PHACTR2: variants seen among roughly 807,000 people sequenced by gnomAD.
PHACTR2 encodes the protein chromosome 6 open reading frame 56.
Under a neutral mutation model 76.0 loss-of-function variants are expected in PHACTR2, and 30 were observed. The ratio of observed to expected loss-of-function variants is 0.39; its 90% CI spans 0.30 to 0.54. The LOEUF is 0.54. PHACTR2 is among the 20% of genes least tolerant of loss of function. PHACTR2 has a pLI of 0.61. For missense variants in PHACTR2, 696 were observed against 781.1 expected (o/e 0.89, Z 1.30); for synonymous variants, 292 against 292.5 (o/e 1.00, Z 0.02).
intron 1 of PHACTR2, among the ~76,000 whole-genome samples, chr6:143,666,269 G>T (rs1235797412): frequency 2.0e-5 from 3 of 152,118 alleles, no homozygotes; most frequent in African/African-American, 7.2e-5. Context: ...TCTTTATCCA[G>T]TCTATCATTG....
chr6:143,745,977 C>G (rs1779056642), intron 2 of PHACTR2, among the ~76,000 whole-genome samples: 1 of 152,194 alleles, frequency 6.6e-6, no homozygotes. Flanking sequence ...TTAGCTGAGA[C>G]TAAGTTAGAA....
Position 143,647,689 on chromosome 6 carries a change from T to G in PHACTR2, c.13+39367T>G. The stretch of plus-strand genomic sequence containing the variant: ...AGCTGAAAGGAAACCTTGGTTGAAG[T>G]GAGGGAGGAGGAAACCTTGCAGATA... On this transcript the variant is annotated intron_variant, in intron 1 of 11. Coordinates refer to the PHACTR2 transcript ENST00000305766. This position sits in a 1 kb window ranked among gnomAD's most constrained non-coding sequence, Gnocchi z 4.2. Among the ~76,000 whole-genome samples the G allele has an allele frequency of 6.6e-6, 1 of 151,936 alleles. No individual in the cohort carries two copies. The highest frequency in any genetic ancestry group is 2.1e-4 in the South Asian group (1 of 4,804).
At chr6:143,719,698 A>T (rs1392355704) in intron 2 of PHACTR2, among the ~76,000 whole-genome samples, 1 of 151,092 alleles carries the variant, frequency 6.6e-6, no homozygotes, top group Non-Finnish European at 1.5e-5. Flanking sequence ...TTGGAGGAAG[A>T]GGAAGGAATC....
In PHACTR2 at chr6:143,700,418, G is replaced by C. The variant is rs915156054; in HGVS notation, c.47-11598G>C. 2.0e-5 allele frequency among the ~76,000 whole-genome samples: 3 copies of C among 152,124 alleles called. No individual in the cohort carries two copies. Among genetic ancestry groups the C allele is most frequent in the Non-Finnish European group, 4.4e-5 (3 of 68,020 alleles). ...AAAAATACAGAAATTAGCAAGGCAT[G>C]GTGGCATGCACCTGTAATCCCAGCT... On this transcript the variant is annotated intron_variant, in intron 1 of 12. Coordinates refer to ENST00000440869, the MANE Select transcript of PHACTR2 (RefSeq NM_001100164.2). This position sits in a 1 kb window ranked among gnomAD's most constrained non-coding sequence, Gnocchi z 4.1.
Position 143,760,406 on chromosome 6 carries a change from A to G in PHACTR2, c.460A>G (p.Thr154Ala), listed in dbSNP as rs1023120528. 3 of 1,609,308 alleles carry G rather than the reference A, an allele frequency of 1.9e-6. No homozygotes were observed. The highest frequency in any genetic ancestry group is 2.5e-6 in the Non-Finnish European group (3 of 1,177,636). The change falls in exon 5 of 13, where the codon ACT (threonine) becomes GCT (alanine). Residue 154 changes from threonine to alanine, a missense_variant. Coordinates refer to ENST00000440869, the MANE Select transcript of PHACTR2 (RefSeq NM_001100164.2). The surrounding 1 kb of genome is among the most constrained non-coding windows in gnomAD (Gnocchi z 6.4). The stretch of plus-strand genomic sequence containing the variant: ...GTTCACTTTCTCGTTTATAGAGAAC[A>G]CTGAAAACCACTCTGAAACACCGGC... Reference protein sequence around the residue: ...EEQAEDKKENTENHSETPAAP... With the variant: ...EEQAEDKKENAENHSETPAAP...
rs1269585011 is a variant in PHACTR2, at chr6:143,553,202, A to G, written c.217+15995A>G. ...CAAAAATCCAGCTCATAGAGACTGC[A>G]GTATAGTGAGGGTGTCAAAGATAAA... On this transcript the variant is annotated intron_variant, in intron 1 of 11. Coordinates refer to the PHACTR2 transcript ENST00000367584. This position sits in a 1 kb window ranked among gnomAD's most constrained non-coding sequence, Gnocchi z 4.2. 2.0e-5 allele frequency among the ~76,000 whole-genome samples: 3 copies of G among 152,250 alleles called. No individual in the cohort carries two copies. The highest frequency in any genetic ancestry group is 2.9e-5 in the Non-Finnish European group (2 of 68,048).
At chr6:143,642,900 A>C (rs532217886) in intron 1 of PHACTR2, among the ~76,000 whole-genome samples, 2 of 152,240 alleles carry the variant, frequency 1.3e-5, no homozygotes, top group African/African-American at 4.8e-5. Context: ...ATGTTCTTTA[A>C]GCCACCCAGT....
At chr6:143,759,023 C>T (rs1265674053) in intron 4 of PHACTR2, among the ~76,000 whole-genome samples, 1 of 152,142 alleles carries the variant, frequency 6.6e-6, no homozygotes, top group East Asian at 1.9e-4. Context: ...AACACTGTCT[C>T]AAGGTTTTTA....
At chr6:143,799,751 C>G (rs1205619472) in intron 11 of PHACTR2, among the ~76,000 whole-genome samples, 1 of 151,978 alleles carries the variant, frequency 6.6e-6, no homozygotes, top group African/African-American at 2.4e-5. Flanking sequence ...GTCTGAGAGA[C>G]AGTTTGATTT....
At chr6:143,745,461 C>T (rs1779038136) in intron 2 of PHACTR2, among the ~76,000 whole-genome samples, 1 of 152,166 alleles carries the variant, frequency 6.6e-6, no homozygotes, top group South Asian at 2.1e-4. Flanking sequence ...AGCAGGTGAG[C>T]ACATCTCAGG....
At chr6:143,712,271 C>T in intron 2 of PHACTR2, 88 bp downstream of exon 2, 3 of 874,108 alleles carry the variant, frequency 3.4e-6, no homozygotes, top group Non-Finnish European at 4.8e-6. Flanking sequence ...GTGTTTTTTC[C>T]CAGAAAAAAA....
intron 1 of PHACTR2, among the ~76,000 whole-genome samples, chr6:143,551,344 T>C (rs1754563934): frequency 1.3e-5 from 2 of 152,172 alleles, no homozygotes; most frequent in South Asian, 4.1e-4. Context: ...AACTAATAAT[T>C]ATAATGTAAG....
In PHACTR2 at chr6:143,537,141, T is replaced by C; in HGVS notation, c.151T>C (p.Ser51Pro). Reference sequence around the variant, plus strand: ...CGGGGACCCGAGCCCCCGCGGCCGCTCACAGAGCGACCTCTCGTCGTCCTC... The same window carrying C: ...CGGGGACCCGAGCCCCCGCGGCCGCCCACAGAGCGACCTCTCGTCGTCCTC... The change falls in exon 1 of 12, where the codon TCA becomes CCA. Residue 51 changes from serine to proline, a missense_variant. Ser to Pro is a moderately conservative substitution (Grantham distance 74). Coordinates refer to the PHACTR2 transcript ENST00000367584. This position sits in a 1 kb window ranked among gnomAD's most constrained non-coding sequence, Gnocchi z 4.4. 6.0e-6 allele frequency: 2 copies of C among 331,060 alleles called. No homozygotes were observed. The highest frequency in any genetic ancestry group is 3.6e-5 in the Admixed American group (1 of 27,926). The allele number at this position is 331,060 out of a possible 1,614,324, so 20.5% of individuals were successfully genotyped here.
upstream of PHACTR2, among the ~76,000 whole-genome samples, chr6:143,604,277 C>T (rs1254217149): frequency 6.6e-6 from 1 of 152,048 alleles, no homozygotes; most frequent in African/African-American, 2.4e-5. Flanking sequence ...ATCTACTGGA[C>T]CAAGCAATCT....
At chr6:143,676,339 T>C (rs2128451854), upstream of PHACTR2, among the ~76,000 whole-genome samples, 1 of 152,356 alleles carries the variant, frequency 6.6e-6, no homozygotes, top group South Asian at 2.1e-4. The surrounding 1 kb of genome is among the most constrained non-coding windows in gnomAD (Gnocchi z 4.8). Flanking sequence ...AATAGAAATA[T>C]GCTATTGTTT....
intron 1 of PHACTR2, among the ~76,000 whole-genome samples, chr6:143,538,709 C>T (rs1237417247): frequency 6.6e-6 from 1 of 152,224 alleles, no homozygotes; most frequent in Non-Finnish European, 1.5e-5. Flanking sequence ...GGCTAACTCT[C>T]TCACCATAGC....
rs1216245632 is a variant in PHACTR2 at position 143,823,344 on chromosome 6, G to A, written c.1923-330G>A. On this transcript the variant is annotated intron_variant, in intron 12 of 12. Transcript: ENST00000440869. This position sits in a 1 kb window ranked among gnomAD's most constrained non-coding sequence, Gnocchi z 5.7. ...ATCCCTTTGTGAAACATCTCCCTCT[G>A]CTTGATAAAGGTTAGAGCACGATGC... is the stretch of plus-strand genomic sequence containing the variant. Among the ~76,000 whole-genome samples, 1 of 152,146 alleles carries A rather than the reference G, an allele frequency of 6.6e-6. No individual in the cohort carries two copies. The highest frequency in any genetic ancestry group is 1.5e-5 in the Non-Finnish European group (1 of 68,026).
chr6:143,567,343 T>C (rs1775377841), intron 1 of PHACTR2, among the ~76,000 whole-genome samples: 1 of 152,184 alleles, frequency 6.6e-6, no homozygotes, highest in African/African-American at 2.4e-5. Context: ...GTTTTCTCCA[T>C]ACAGGCTTTG....
At chr6:143,675,649 A>T (rs759942281), upstream of PHACTR2, among the ~76,000 whole-genome samples, 1 of 152,234 alleles carries the variant, frequency 6.6e-6, no homozygotes, top group Non-Finnish European at 1.5e-5. The surrounding 1 kb of genome is among the most constrained non-coding windows in gnomAD (Gnocchi z 4.9). Context: ...ATAAATGCTG[A>T]AGAATTATAA....
Sources: allele counts gnomAD v4.1 joint callset (sites outside exome capture counted in the v4.1 genomes callset), GRCh38; gene constraint gnomAD v4.1.1; non-coding constraint Gnocchi (gnomAD v3.1); transcripts MANE v1.5; gene names NCBI Gene and HGNC (gene_info 2026-07-23, HGNC 2026-07-21).